The following PDSS1 variants were observed in gnomAD, a reference collection of about 807,000 sequenced individuals.
PDSS1 encodes decaprenyl diphosphate synthase subunit 1, also known as all trans-polyprenyl-diphosphate synthase PDSS1.
Under a neutral mutation model 57.5 loss-of-function variants are expected in PDSS1, and 43 were observed. The observed-to-expected ratio is 0.75, with a 90% CI of 0.59 to 0.96. The LOEUF (loss-of-function observed/expected upper bound fraction) is 0.96, where lower values mean the gene tolerates loss of function less well. Among genes scored for constraint, PDSS1 ranks in the 50% least tolerant of loss-of-function variants. PDSS1 has a pLI of 0.00. For synonymous variants in PDSS1, 175 were observed against 191.3 expected (o/e 0.91, Z 0.70); for missense variants, 438 against 527.8 (o/e 0.83, Z 1.67).
chr10:26,721,977 T>C (rs1459188000), intron 6 of PDSS1, among the ~76,000 whole-genome samples: 1 of 152,148 alleles, frequency 6.6e-6, no homozygotes, highest in Non-Finnish European at 1.5e-5. Context: ...CCACACACAG[T>C]GCCCCCTCGG....
rs7099576 is a variant in PDSS1, at chr10:26,707,442, G to C, written c.336+2048G>C. Among the ~76,000 whole-genome samples, 570 of 152,182 alleles carry C rather than the reference G, an allele frequency of 3.7e-3. 4 individuals are homozygous for C. Among genetic ancestry groups the C allele is most frequent in the African/African-American group, 0.013 (549 of 41,522 alleles). On this transcript the variant is annotated intron_variant, in intron 4 of 11. Transcript: ENST00000376215. ...ATCACGTGATGGTCGCCTTCCTGTT[G>C]TGGGTCGGGGAGCCCTCTCCTGCCC...
chr10:26,699,742 G>A (rs1027112743), intron 1 of PDSS1, among the ~76,000 whole-genome samples: 2 of 152,134 alleles, frequency 1.3e-5, no homozygotes, highest in Admixed American at 1.3e-4. Context: ...AGCAACCTTA[G>A]CCAGGGAAAG....
chr10:26,705,225 A>G, intron 3 of PDSS1, 61 bp from the exon 4 acceptor site: 1 of 900,438 alleles, frequency 1.1e-6, no homozygotes, highest in Non-Finnish European at 1.9e-6. Flanking sequence ...GAGTCTACTA[A>G]ATATATATGT....
intron 4 of PDSS1, among the ~76,000 whole-genome samples, chr10:26,707,217 C>G (rs1835261669): frequency 6.6e-6 from 1 of 152,142 alleles, no homozygotes; most frequent in South Asian, 2.1e-4. Flanking sequence ...TCCCAGTTTT[C>G]CTAGAAGGAC....
intron 1 of PDSS1, among the ~76,000 whole-genome samples, chr10:26,698,473 G>A (rs1391585481): frequency 6.6e-6 from 1 of 152,168 alleles, no homozygotes; most frequent in African/African-American, 2.4e-5. Context: ...GTCATCTAAA[G>A]TCAGAATCTC....
rs1588662899 is a variant in PDSS1, at chr10:26,697,927, A to T, written c.129+87A>T. On this transcript the variant is annotated intron_variant, in intron 1 of 11. Transcript: ENST00000376215. The stretch of plus-strand genomic sequence containing the variant: ...GGCGGAATGAATGGGAGCGGGGAGC[A>T]CGTGCGTCGCGACGCGGGGGCGCGC... 1.3e-5 allele frequency: 15 copies of T among 1,167,982 alleles called. No homozygotes were observed. The East Asian group carries it at 5.6e-4, about 43-fold the overall frequency. 72.4% of individuals were successfully genotyped at this position (1,167,982 alleles called of 1,614,324 possible).
chr10:26,698,989 G>T (rs1395596249), intron 1 of PDSS1, among the ~76,000 whole-genome samples: 11 of 152,196 alleles, frequency 7.2e-5, no homozygotes, highest in East Asian at 1.9e-4. Flanking sequence ...ACCAGGTGGG[G>T]TGGTGCATGC....
intron 11 of PDSS1, among the ~76,000 whole-genome samples, chr10:26,745,353 C>A (rs1836808076): frequency 6.6e-6 from 1 of 151,952 alleles, no homozygotes; most frequent in Non-Finnish European, 1.5e-5. Context: ...ATGTAAATAT[C>A]TATAGTCTAA....
At chr10:26,714,431 C>G (rs530322771) in intron 5 of PDSS1, among the ~76,000 whole-genome samples, 3 of 149,370 alleles carry the variant, frequency 2.0e-5, no homozygotes, top group African/African-American at 7.4e-5. Flanking sequence ...GCAGAGATTG[C>G]GCCACTGCAC....
At chr10:26,714,991 C>G (rs999989277) in intron 5 of PDSS1, 1 of 152,218 alleles carries the variant, frequency 6.6e-6, no homozygotes, top group Non-Finnish European at 1.5e-5. Context: ...TTAGCACTGA[C>G]TGGCTCCAGT....
At chr10:26,704,985 G>C (rs1835162343) in intron 3 of PDSS1, among the ~76,000 whole-genome samples, 1 of 151,566 alleles carries the variant, frequency 6.6e-6, no homozygotes, top group African/African-American at 2.4e-5. Flanking sequence ...GTAGATCTCT[G>C]CCTATTCAAA....
intron 8 of PDSS1, among the ~76,000 whole-genome samples, chr10:26,730,234 A>G (rs1478395413): frequency 1.3e-5 from 2 of 151,578 alleles, no homozygotes; most frequent in East Asian, 3.9e-4. Flanking sequence ...TTTTTATTCC[A>G]CTTTAGGGAT....
chr10:26,713,502 G>A (rs975592139), intron 5 of PDSS1, among the ~76,000 whole-genome samples: 2 of 151,132 alleles, frequency 1.3e-5, no homozygotes, highest in African/African-American at 2.5e-5. Context: ...TGAGGTTCAC[G>A]GGAGTTGTGG....
At chr10:26,728,774 CTTTT>C (rs33930147) in intron 8 of PDSS1, among the ~76,000 whole-genome samples, 4 of 84,570 alleles carry the variant, frequency 4.7e-5, no homozygotes, top group Non-Finnish European at 4.2e-5. Context: ...TATTCTGTAT[CTTTT>C]TTTTTTTTTT....
At chr10:26,704,151 A>G (rs11015236) in intron 2 of PDSS1, among the ~76,000 whole-genome samples, 26,650 of 147,394 alleles carry the variant, frequency 0.18, 3,403 homozygotes, top group East Asian at 0.54. Flanking sequence ...GAAAATATCT[A>G]CCAAAAGAAG....
At chr10:26,744,109 CAA>C (rs1836720340) in intron 11 of PDSS1, among the ~76,000 whole-genome samples, 2 of 152,114 alleles carry the variant, frequency 1.3e-5, no homozygotes, top group African/African-American at 4.8e-5. Flanking sequence ...TGAAAAATAA[CAA>C]GAGCTACAAG....
rs2132269855 is a variant in PDSS1 at position 26,724,081 on chromosome 10, A to G, written c.789A>G (p.Thr263=). 3 of 1,614,044 alleles carry G rather than the reference A, an allele frequency of 1.9e-6. No homozygotes were observed. Among genetic ancestry groups the G allele is most frequent in the South Asian group, 2.2e-5 (2 of 91,086 alleles). The change falls in exon 8 of 12, where the codon ACA becomes ACG. Residue 263 remains threonine (T), a synonymous_variant. Coordinates refer to ENST00000376215, the MANE Select transcript of PDSS1 (RefSeq NM_014317.5). The part of the protein sequence containing the change: ...NERFAHYLEK[T]FKKTASLIAN... The stretch of plus-strand genomic sequence containing the variant: ...GATTTGCACACTACCTTGAGAAGAC[A>G]TTCAAGAAGACCGCCAGCCTGATAG...
intron 4 of PDSS1, among the ~76,000 whole-genome samples, chr10:26,706,537 C>T (rs537235946): frequency 2.6e-5 from 4 of 152,290 alleles, no homozygotes; most frequent in South Asian, 2.1e-4. Context: ...CCAGACATGG[C>T]CTCTCCCTCT....
chr10:26,720,388 C>T, intron 6 of PDSS1, 29 bp downstream of exon 6: 3 of 1,446,846 alleles, frequency 2.1e-6, no homozygotes, highest in Non-Finnish European at 1.9e-6. Context: ...TTTAAAATCT[C>T]TCTTACTGAA....
Sources: gnomAD v4.1 joint callset for allele counts (sites outside exome capture counted in the v4.1 genomes callset) on GRCh38, gnomAD v4.1.1 for gene constraint, MANE v1.5 for transcripts, NCBI Gene and HGNC (gene_info 2026-07-23, HGNC 2026-07-21) for gene names.